Variants in ADHFE1 observed in about 807,000 individuals in gnomAD.
ADHFE1 encodes the protein hydroxyacid-oxoacid transhydrogenase, mitochondrial.
ADHFE1 carries 37 observed loss-of-function variants against 54.8 expected under a neutral mutation model. That is an observed-to-expected ratio of 0.68 (90% CI 0.52 to 0.89). ADHFE1 has a LOEUF of 0.89. Among genes scored for constraint, ADHFE1 ranks in the 40% least tolerant of loss-of-function variants. The pLI, the probability that ADHFE1 is intolerant of heterozygous loss-of-function variation, is 0.00. For synonymous variants in ADHFE1, 203 were observed against 229.3 expected (o/e 0.89, Z 1.04); for missense variants, 601 against 591.2 (o/e 1.02, Z -0.17).
chr8:66,447,382 C>A, intron 7 of ADHFE1, 41 bp downstream of exon 7: 1 of 1,405,748 alleles, frequency 7.1e-7, no homozygotes, highest in Non-Finnish European at 1.0e-6. Flanking sequence ...TACCTTTCAA[C>A]TCCACACTCT....
At chr8:66,465,368 T>C (rs1197202337) in intron 13 of ADHFE1, among the ~76,000 whole-genome samples, 1 of 152,238 alleles carries the variant, frequency 6.6e-6, no homozygotes, top group Non-Finnish European at 1.5e-5. Context: ...CTTCACATCC[T>C]CAACAACACT....
At position 66,432,560 on chromosome 8, in the gene ADHFE1, A is replaced by G; in HGVS notation, c.44A>G (p.Gln15Arg). ...GCCCGGGTCGCGTACTTGCTGAGGC[A>G]ACTGCAACGCGCAGCGTGAGTGCGG... is the stretch of plus-strand genomic sequence containing the variant. The part of the protein sequence containing the change: ...ARARVAYLLR[Q>R]LQRAACQCPT... Residue 15 changes from glutamine to arginine, a missense_variant, in exon 1 of 14, where the codon CAA becomes CGA. Transcript: ENST00000396623. 1.5e-6 allele frequency: 2 copies of G among 1,352,248 alleles called. No homozygotes were observed. The highest frequency in any genetic ancestry group is 1.9e-6 in the Non-Finnish European group (2 of 1,042,950). 83.8% of individuals were successfully genotyped at this position (1,352,248 alleles called of 1,614,324 possible).
chr8:66,458,464 G>A (rs545122776), intron 12 of ADHFE1, among the ~76,000 whole-genome samples: 1 of 152,282 alleles, frequency 6.6e-6, no homozygotes, highest in East Asian at 1.9e-4. Context: ...TTTCTCTTTC[G>A]GACTGGAGAT....
intron 13 of ADHFE1, among the ~76,000 whole-genome samples, chr8:66,464,295 T>C (rs1807055124): frequency 6.6e-6 from 1 of 152,178 alleles, no homozygotes; most frequent in Non-Finnish European, 1.5e-5. Flanking sequence ...CCTTGTCCTG[T>C]TTAACCAATC....
At chr8:66,462,561 A>G (rs1380345223) in intron 13 of ADHFE1, among the ~76,000 whole-genome samples, 7 of 152,176 alleles carry the variant, frequency 4.6e-5, no homozygotes, top group African/African-American at 1.4e-4. Flanking sequence ...ATTCACTGCA[A>G]TTTTAATGTA....
rs764226102 is a variant in ADHFE1 at position 66,452,023 on chromosome 8, C to T, written c.805C>T (p.Arg269Trp). The change falls in exon 9 of 14, where the codon CGG (arginine) becomes TGG (tryptophan). Residue 269 changes from arginine to tryptophan, a missense_variant. Arg to Trp is a moderately radical substitution (Grantham distance 101). Transcript: ENST00000396623. ...RSPCPSNPIT[R>W]PAYQGSNPIS... ...CCCCTGCCCTTCAAATCCCATCACA[C>T]GGCCTGCGTACCAGGGCAGCAACCC... is the stretch of plus-strand genomic sequence containing the variant. 1.6e-5 allele frequency: 26 copies of T among 1,614,114 alleles called. No homozygotes were observed. The highest frequency in any genetic ancestry group is 3.3e-5 in the South Asian group (3 of 91,094).
intron 1 of ADHFE1, chr8:66,432,881 G>A: frequency 8.3e-7 from 1 of 1,198,122 alleles, no homozygotes; most frequent in African/African-American, 1.6e-5. Flanking sequence ...CGGTGGCCAA[G>A]ACAAATTCAT....
chr8:66,468,173 A>G (rs1043340404), intron 13 of ADHFE1, 96 bp from the exon 14 acceptor site: 79 of 879,292 alleles, frequency 9.0e-5, no homozygotes, highest in Non-Finnish European at 1.4e-4. Context: ...TTATCAAGTC[A>G]TTGATTCTTA....
intron 13 of ADHFE1, among the ~76,000 whole-genome samples, chr8:66,463,796 G>C (rs1487379298): frequency 6.6e-6 from 1 of 152,172 alleles, no homozygotes; most frequent in African/African-American, 2.4e-5. Flanking sequence ...TTTGATGAAG[G>C]TTCTTTTCTG....
intron 6 of ADHFE1, among the ~76,000 whole-genome samples, chr8:66,446,408 G>GCTGGGCAGCCTGCATTGACCCA (rs1240555714): frequency 6.6e-5 from 10 of 152,216 alleles, no homozygotes; most frequent in African/African-American, 2.4e-4. Context: ...TACCAGAGGT[G>GCTGGGCAGCCTGCATTGACCCA]CTGGGCAGCC....
intron 1 of ADHFE1, among the ~76,000 whole-genome samples, chr8:66,435,914 CTTT>C (rs35544367): frequency 1.9e-4 from 19 of 102,540 alleles, no homozygotes; most frequent in Admixed American, 3.1e-4. Context: ...TAGCAAGATT[CTTT>C]TTTTTTTTTT....
chr8:66,437,938 A>G (rs1234791723), intron 1 of ADHFE1, among the ~76,000 whole-genome samples: 1 of 152,252 alleles, frequency 6.6e-6, no homozygotes, highest in Non-Finnish European at 1.5e-5. Context: ...TGTTACAGGC[A>G]GAGGAAATAA....
intron 1 of ADHFE1, among the ~76,000 whole-genome samples, chr8:66,433,603 A>T (rs1805314302): frequency 6.6e-6 from 1 of 152,184 alleles, no homozygotes; most frequent in Non-Finnish European, 1.5e-5. Flanking sequence ...CATAATTTGA[A>T]CCCAGATACT....
At chr8:66,434,850 G>A (rs1805381355) in intron 1 of ADHFE1, among the ~76,000 whole-genome samples, 1 of 152,184 alleles carries the variant, frequency 6.6e-6, no homozygotes, top group Admixed American at 6.5e-5. Context: ...AGGGTGGTGG[G>A]TGCCCATAGT....
intron 1 of ADHFE1, among the ~76,000 whole-genome samples, chr8:66,433,501 A>G (rs1266714327): frequency 6.6e-6 from 1 of 152,204 alleles, no homozygotes; most frequent in African/African-American, 2.4e-5. Context: ...CACTGACCCT[A>G]TGACACACGG....
intron 1 of ADHFE1, among the ~76,000 whole-genome samples, chr8:66,434,914 GT>G (rs1805384778): frequency 6.6e-6 from 1 of 151,574 alleles, no homozygotes; most frequent in Non-Finnish European, 1.5e-5. Flanking sequence ...GGGAGGCATA[GT>G]TTGCAGTGAG....
chr8:66,453,975 CAT>C, intron 9 of ADHFE1, 82 bp from the exon 10 acceptor site: 1 of 1,552,286 alleles, frequency 6.4e-7, no homozygotes, highest in Non-Finnish European at 8.7e-7. Flanking sequence ...TTTTTTTCAC[CAT>C]ATCTTTCCCT....
At chr8:66,434,260 A>G (rs1384750420) in intron 1 of ADHFE1, among the ~76,000 whole-genome samples, 2 of 152,188 alleles carry the variant, frequency 1.3e-5, no homozygotes, top group Admixed American at 6.5e-5. Context: ...TAGGAGGAAA[A>G]TGGCAACTTC....
chr8:66,455,424 A>C (rs1467821372), intron 10 of ADHFE1, among the ~76,000 whole-genome samples: 1 of 152,254 alleles, frequency 6.6e-6, no homozygotes, highest in East Asian at 1.9e-4. Flanking sequence ...TTTAAATTGA[A>C]AACCATTGAA....
Sources: allele counts gnomAD v4.1 joint callset (sites outside exome capture counted in the v4.1 genomes callset), GRCh38; gene constraint gnomAD v4.1.1; transcripts MANE v1.5; gene names NCBI Gene and HGNC (gene_info 2026-07-23, HGNC 2026-07-21).